The following GALNTL6 variants were observed in gnomAD, a reference collection of about 807,000 sequenced individuals.
GALNTL6 encodes the protein polypeptide N-acetylgalactosaminyltransferase-like 6.
Under a neutral mutation model 73.7 loss-of-function variants are expected in GALNTL6, and 46 were observed. The observed-to-expected ratio is 0.62, with a 90% CI of 0.49 to 0.80. GALNTL6 has a LOEUF of 0.80. GALNTL6 is among the 30% of genes least tolerant of loss of function. The pLI is 0.00. For synonymous variants in GALNTL6, 259 were observed against 263.7 expected (o/e 0.98, Z 0.17); for missense variants, 604 against 755.0 (o/e 0.80, Z 2.34).
intron 8 of GALNTL6, among the ~76,000 whole-genome samples, chr4:172,887,536 TTTTATTTA>T (rs56097389): frequency 0.025 from 3,581 of 143,326 alleles, 82 homozygotes; most frequent in African/African-American, 0.063. Flanking sequence ...TATTTTAACC[TTTTATTTA>T]TTTATTTATT....
intron 5 of GALNTL6, among the ~76,000 whole-genome samples, chr4:172,566,299 A>G (rs373247656): frequency 7.2e-5 from 11 of 152,206 alleles, no homozygotes; most frequent in Non-Finnish European, 1.0e-4. Context: ...AGTTCACAAA[A>G]TAAGTCTTAA....
intron 5 of GALNTL6, among the ~76,000 whole-genome samples, chr4:172,702,798 C>G (rs1394632425): frequency 6.6e-6 from 1 of 150,678 alleles, no homozygotes; most frequent in African/African-American, 2.5e-5. Flanking sequence ...CAGGAATGAA[C>G]TAAGACAAAT....
chr4:172,456,234 A>G (rs560324785), intron 5 of GALNTL6, among the ~76,000 whole-genome samples: 7 of 152,294 alleles, frequency 4.6e-5, no homozygotes, highest in African/African-American at 1.7e-4. Flanking sequence ...TAAATCCACA[A>G]AGATGAGGAA....
At chr4:172,730,192 T>C (rs1183575913) in intron 5 of GALNTL6, among the ~76,000 whole-genome samples, 1 of 152,184 alleles carries the variant, frequency 6.6e-6, no homozygotes, top group Non-Finnish European at 1.5e-5. Context: ...TAATTAGACT[T>C]CCTCCTTTCC....
At chr4:172,548,260 C>G (rs902667882) in intron 5 of GALNTL6, among the ~76,000 whole-genome samples, 2 of 152,068 alleles carry the variant, frequency 1.3e-5, no homozygotes, top group Admixed American at 6.6e-5. Flanking sequence ...TTGATTTTAG[C>G]CATAAATGTA....
In GALNTL6 at chr4:172,997,219, C is replaced by T. The variant is rs146882652; in HGVS notation, c.1372-11959C>T. On this transcript the variant is annotated intron_variant, in intron 10 of 12. Coordinates refer to ENST00000506823, the MANE Select transcript of GALNTL6 (RefSeq NM_001034845.3). The stretch of plus-strand genomic sequence containing the variant: ...AGTAAAGCAGTTGCCACAGATTTAA[C>T]GCCTAAAATGACATTTTTTCCAGTG... Among the ~76,000 whole-genome samples the T allele has an allele frequency of 2.8e-3, 432 of 152,240 alleles. 2 individuals carry two copies. The highest frequency in any genetic ancestry group is 9.3e-3 in the African/African-American group (387 of 41,526).
At position 172,473,669 on chromosome 4, in the gene GALNTL6, T is replaced by G. The variant is rs574086352; in HGVS notation, c.553+124980T>G. On this transcript the variant is annotated intron_variant, in intron 5 of 12. Transcript: ENST00000506823. ...TTTTCCTCCTATGTCTGTAGTTGCTTCTTGGCCTCTTTTGCTACTCTTTCC... is the reference window on the plus strand; with the variant it reads ...TTTTCCTCCTATGTCTGTAGTTGCTGCTTGGCCTCTTTTGCTACTCTTTCC... 2.6e-5 allele frequency among the ~76,000 whole-genome samples: 4 copies of G among 152,322 alleles called. No individual in the cohort carries two copies. In the South Asian group the frequency reaches 8.3e-4, roughly 32 times the overall value.
chr4:172,496,994 A>G (rs1051870828), intron 5 of GALNTL6, among the ~76,000 whole-genome samples: 3 of 152,240 alleles, frequency 2.0e-5, no homozygotes, highest in African/African-American at 7.2e-5. Flanking sequence ...GTTTGAAAAT[A>G]AAATGTAAAA....
intron 4 of GALNTL6, 84 bp downstream of exon 4, chr4:172,311,836 G>A (rs959940629): frequency 1.6e-5 from 14 of 876,836 alleles, no homozygotes; most frequent in East Asian, 2.8e-5. Flanking sequence ...GTATCACTGC[G>A]AGATATGTAA....
intron 5 of GALNTL6, among the ~76,000 whole-genome samples, chr4:172,535,844 G>A (rs1408611990): frequency 6.6e-6 from 1 of 152,124 alleles, no homozygotes; most frequent in African/African-American, 2.4e-5. Flanking sequence ...CCCTACAAGT[G>A]TAATAGATTT....
At chr4:172,915,853 T>G (rs908121879) in intron 8 of GALNTL6, among the ~76,000 whole-genome samples, 2 of 152,062 alleles carry the variant, frequency 1.3e-5, no homozygotes, top group Non-Finnish European at 2.9e-5. Context: ...CTGAAACTAT[T>G]CCAAAAAATA....
chr4:172,480,864 C>T (rs1189999894), intron 5 of GALNTL6, among the ~76,000 whole-genome samples: 3 of 152,140 alleles, frequency 2.0e-5, no homozygotes, highest in Non-Finnish European at 2.9e-5. Context: ...GATCTCATGT[C>T]CTCCACTAGA....
At chr4:172,935,219 G>A (rs994328574) in intron 9 of GALNTL6, among the ~76,000 whole-genome samples, 4 of 152,122 alleles carry the variant, frequency 2.6e-5, no homozygotes, top group African/African-American at 4.8e-5. Flanking sequence ...AGCCACCCTC[G>A]CCAATACAAG....
intron 2 of GALNTL6, among the ~76,000 whole-genome samples, chr4:172,055,709 C>T (rs777827226): frequency 6.6e-6 from 1 of 152,106 alleles, no homozygotes; most frequent in African/African-American, 2.4e-5. Flanking sequence ...GATTTGAGAG[C>T]CCCATCTGAC....
chr4:172,970,581 T>G (rs950499207), intron 10 of GALNTL6, among the ~76,000 whole-genome samples: 2 of 152,240 alleles, frequency 1.3e-5, no homozygotes, highest in Non-Finnish European at 2.9e-5. Flanking sequence ...TGCCCAACCC[T>G]GCAGGCAGTC....
intron 5 of GALNTL6, among the ~76,000 whole-genome samples, chr4:172,454,522 A>C (rs1208438219): frequency 6.6e-5 from 10 of 152,228 alleles, no homozygotes; most frequent in Non-Finnish European, 1.5e-5. Flanking sequence ...GCTCTTGCCA[A>C]ATCCATTCTC....
chr4:172,558,754 T>C (rs1433648626), intron 5 of GALNTL6, among the ~76,000 whole-genome samples: 5 of 152,176 alleles, frequency 3.3e-5, no homozygotes, highest in Admixed American at 2.6e-4. Context: ...TGTTTCAGTC[T>C]ATGTAAGTTA....
intron 5 of GALNTL6, among the ~76,000 whole-genome samples, chr4:172,807,603 G>T (rs1741038955): frequency 6.6e-6 from 1 of 152,144 alleles, no homozygotes; most frequent in South Asian, 2.1e-4. Flanking sequence ...TTATAGGTGA[G>T]GCTTTTCAGG....
intron 2 of GALNTL6, among the ~76,000 whole-genome samples, chr4:172,173,798 G>T (rs758580452): frequency 3.9e-5 from 6 of 152,122 alleles, no homozygotes; most frequent in African/African-American, 9.7e-5. Flanking sequence ...GACATCATAG[G>T]GTATTTGAGT....
Sources: gnomAD v4.1 joint callset for allele counts (sites outside exome capture counted in the v4.1 genomes callset) on GRCh38, gnomAD v4.1.1 for gene constraint, MANE v1.5 for transcripts, NCBI Gene and HGNC (gene_info 2026-07-23, HGNC 2026-07-21) for gene names.